The following SLC35F1 variants were observed in gnomAD, a reference collection of about 807,000 sequenced individuals.
SLC35F1 encodes solute carrier family 35 member F1.
A neutral mutation model predicts 48.7 loss-of-function variants in SLC35F1; 14 were observed. The ratio of observed to expected loss-of-function variants is 0.29; its 90% CI spans 0.19 to 0.45. The LOEUF is 0.45. Among genes scored for constraint, SLC35F1 ranks in the 20% least tolerant of loss-of-function variants. The pLI is 1.00. For synonymous variants in SLC35F1, 190 were observed against 202.2 expected (o/e 0.94, Z 0.51); for missense variants, 404 against 500.0 (o/e 0.81, Z 1.83).
At chr6:117,973,204 T>C (rs1290018478) in intron 1 of SLC35F1, among the ~76,000 whole-genome samples, 1 of 152,186 alleles carries the variant, frequency 6.6e-6, no homozygotes, top group African/African-American at 2.4e-5. Context: ...TTTTTCTCTG[T>C]ACCTATGTGT....
chr6:118,111,506 C>T (rs546036515), intron 1 of SLC35F1, among the ~76,000 whole-genome samples: 13 of 152,248 alleles, frequency 8.5e-5, no homozygotes, highest in Admixed American at 7.2e-4. Context: ...GAAGTTATCT[C>T]TTGAACGTGA....
At chr6:118,080,692 T>G (rs73525682) in intron 1 of SLC35F1, among the ~76,000 whole-genome samples, 2 of 152,150 alleles carry the variant, frequency 1.3e-5, no homozygotes, top group Non-Finnish European at 2.9e-5. Flanking sequence ...CTCGTTTGAT[T>G]GAAATAGTGA....
At chr6:118,056,772 C>G (rs62431217) in intron 1 of SLC35F1, among the ~76,000 whole-genome samples, 6,023 of 152,188 alleles carry the variant, frequency 0.04, 188 homozygotes, top group African/African-American at 0.08. Flanking sequence ...TTCCATGAGC[C>G]TGATAATCAT....
chr6:118,310,808 A>T (rs1206602216), intron 7 of SLC35F1, among the ~76,000 whole-genome samples: 2 of 152,220 alleles, frequency 1.3e-5, no homozygotes, highest in Non-Finnish European at 2.9e-5. Context: ...TCCCAAGAAA[A>T]CAATTCTGTA....
At chr6:118,304,024 T>C (rs984853095) in intron 7 of SLC35F1, among the ~76,000 whole-genome samples, 2 of 152,148 alleles carry the variant, frequency 1.3e-5, no homozygotes, top group Admixed American at 1.3e-4. Flanking sequence ...GTGTATAGGC[T>C]CCAGGGATTA....
chr6:118,209,560 C>T (rs1041159128), intron 2 of SLC35F1, among the ~76,000 whole-genome samples: 9 of 152,054 alleles, frequency 5.9e-5, no homozygotes, highest in Admixed American at 1.3e-4. Flanking sequence ...AGGAAACATA[C>T]CTCTGTAATT....
At chr6:118,050,226 G>A (rs1297621733) in intron 1 of SLC35F1, among the ~76,000 whole-genome samples, 1 of 151,964 alleles carries the variant, frequency 6.6e-6, no homozygotes. Flanking sequence ...GGGGTGGGAG[G>A]AGGGGGGAGG....
At chr6:117,981,078 G>A (rs191413913) in intron 1 of SLC35F1, among the ~76,000 whole-genome samples, 10 of 152,300 alleles carry the variant, frequency 6.6e-5, no homozygotes, top group Admixed American at 2.0e-4. Flanking sequence ...TTTGGTTGTA[G>A]GGCAAAAGGA....
intron 4 of SLC35F1, among the ~76,000 whole-genome samples, chr6:118,268,996 A>G (rs912871096): frequency 2.6e-5 from 4 of 152,140 alleles, no homozygotes; most frequent in Admixed American, 2.6e-4. Flanking sequence ...TTAGTTATAA[A>G]AACTCTATCT....
intron 1 of SLC35F1, among the ~76,000 whole-genome samples, chr6:117,916,591 G>A (rs186143447): frequency 3.9e-4 from 60 of 152,314 alleles, no homozygotes; most frequent in Non-Finnish European, 3.2e-4. Flanking sequence ...CAGCCAAATG[G>A]CCTGGTCTTC....
chr6:118,311,421 G>A (rs1005780856), intron 7 of SLC35F1, among the ~76,000 whole-genome samples: 1 of 152,144 alleles, frequency 6.6e-6, no homozygotes, highest in African/African-American at 2.4e-5. Context: ...CTTAGTAGAT[G>A]TCTACATGGT....
chr6:117,924,449 T>C (rs1405018505), intron 1 of SLC35F1, among the ~76,000 whole-genome samples: 1 of 151,358 alleles, frequency 6.6e-6, no homozygotes, highest in African/African-American at 2.4e-5. Context: ...TATATACACA[T>C]ACCTATATGT....
chr6:118,082,211 G>A (rs919256899), intron 1 of SLC35F1, among the ~76,000 whole-genome samples: 4 of 152,128 alleles, frequency 2.6e-5, no homozygotes, highest in Admixed American at 2.6e-4. Context: ...AACCAAGTAG[G>A]TGATTCTAGT....
chr6:117,926,136 T>C (rs544061841), intron 1 of SLC35F1, among the ~76,000 whole-genome samples: 35 of 152,134 alleles, frequency 2.3e-4, no homozygotes, highest in Non-Finnish European at 4.6e-4. Context: ...GTAATCCCTA[T>C]AATCCCCACT....
At chr6:118,250,761 G>A (rs1008704785) in intron 3 of SLC35F1, among the ~76,000 whole-genome samples, 1 of 151,406 alleles carries the variant, frequency 6.6e-6, no homozygotes, top group Admixed American at 6.6e-5. Flanking sequence ...ATAACTTCAG[G>A]TCAGGAGTTT....
At chr6:118,225,685 A>G (rs919734615) in intron 2 of SLC35F1, among the ~76,000 whole-genome samples, 2 of 148,436 alleles carry the variant, frequency 1.3e-5, no homozygotes, top group African/African-American at 5.0e-5. Flanking sequence ...CATCCTGGCT[A>G]ACACGGTGAA....
chr6:118,113,748 C>G (rs1256001006), intron 1 of SLC35F1, among the ~76,000 whole-genome samples: 2 of 152,112 alleles, frequency 1.3e-5, no homozygotes, highest in Admixed American at 6.6e-5. Context: ...GTTCTGTTTT[C>G]AAATATTAGC....
At chr6:118,280,924 G>A (rs1051673499) in intron 6 of SLC35F1, among the ~76,000 whole-genome samples, 19 of 151,564 alleles carry the variant, frequency 1.3e-4, no homozygotes, top group Middle Eastern at 3.5e-3. Flanking sequence ...CTGAGGCCTA[G>A]GGAGTTGAGG....
chr6:117,970,888 A>C (rs991456610), intron 1 of SLC35F1, among the ~76,000 whole-genome samples: 8 of 152,154 alleles, frequency 5.3e-5, no homozygotes, highest in African/African-American at 1.9e-4. Context: ...TCAAGATTAG[A>C]TTTTGGTGGG....
Sources: allele counts gnomAD v4.1 joint callset (sites outside exome capture counted in the v4.1 genomes callset), GRCh38; gene constraint gnomAD v4.1.1; transcripts MANE v1.5; gene names NCBI Gene and HGNC (gene_info 2026-07-23, HGNC 2026-07-21).